TMEM52B: variants seen among roughly 807,000 people sequenced by gnomAD.
The protein encoded by TMEM52B is transmembrane protein 52B.
In TMEM52B, 11 loss-of-function variants were observed where a neutral mutation model predicts 16.1. The ratio of observed to expected loss-of-function variants is 0.68; its 90% CI spans 0.43 to 1.13. TMEM52B has a LOEUF of 1.13. TMEM52B is among the 50% of genes most tolerant of loss of function. The probability of loss-of-function intolerance (pLI) is 0.00; values close to 1 mark genes in which losing one functional copy is unlikely to be tolerated. For missense variants in TMEM52B, 243 were observed against 230.4 expected (o/e 1.05, Z -0.35); for synonymous variants, 101 against 93.8 (o/e 1.08, Z -0.45).
chr12:10,178,444 A>G (rs1948785186), upstream of TMEM52B, among the ~76,000 whole-genome samples: 1 of 149,578 alleles, frequency 6.7e-6, no homozygotes, highest in African/African-American at 2.5e-5. Flanking sequence ...AATGGCATGA[A>G]CCCAGGAGGC....
intron 1 of TMEM52B, among the ~76,000 whole-genome samples, chr12:10,180,770 C>T (rs1948812979): frequency 6.6e-6 from 1 of 152,178 alleles, no homozygotes; most frequent in Non-Finnish European, 1.5e-5. Context: ...ACAGAAGCAA[C>T]TTCTAGAATT....
At chr12:10,187,427 G>A (rs951966676) in intron 4 of TMEM52B, among the ~76,000 whole-genome samples, 5 of 150,588 alleles carry the variant, frequency 3.3e-5, no homozygotes, top group African/African-American at 1.2e-4. Context: ...TTTTTGACAC[G>A]GAGTCTCCCT....
At chr12:10,188,882 T>C (rs1948917820) in intron 4 of TMEM52B, among the ~76,000 whole-genome samples, 2 of 151,500 alleles carry the variant, frequency 1.3e-5, no homozygotes, top group African/African-American at 4.8e-5. Context: ...CTCGGCGTGG[T>C]GGCGGGCGCC....
At chr12:10,185,578 G>C (rs1363111673) in intron 3 of TMEM52B, among the ~76,000 whole-genome samples, 2 of 152,150 alleles carry the variant, frequency 1.3e-5, no homozygotes, top group Non-Finnish European at 2.9e-5. Flanking sequence ...GTCTGTTCTA[G>C]AAATATCTCA....
chr12:10,179,289 G>C lies in TMEM52B; in HGVS notation c.-286G>C. 2.3e-6 allele frequency: 1 copy of C among 426,538 alleles called. No individual in the cohort carries two copies. Among genetic ancestry groups the C allele is most frequent in the Non-Finnish European group, 4.3e-6 (1 of 231,138 alleles). The allele number at this position is 426,538 out of a possible 1,614,324, so 26.4% of individuals were successfully genotyped here. On this transcript the variant is annotated 5_prime_UTR_variant, in exon 1 of 5. Coordinates refer to ENST00000543484, the MANE Select transcript of TMEM52B (RefSeq NM_001384896.1). ...CTTCAAGATGTAGAAAGAATTAATA[G>C]TGTAACGGAAAGAAAGAAGGCAAAA...
At position 10,189,928 on chromosome 12, in the gene TMEM52B, A is replaced by G. The variant is rs1348300953; in HGVS notation, c.340A>G (p.Arg114Gly). 1.2e-6 allele frequency: 2 copies of G among 1,613,914 alleles called. No individual in the cohort carries two copies. The highest frequency in any genetic ancestry group is 2.7e-5 in the African/African-American group (2 of 74,910). Residue 114 changes from arginine to glycine, a missense_variant, in exon 5 of 5, where the codon AGG (arginine) becomes GGG (glycine). By Grantham distance (125) the Arg-to-Gly change is moderately radical. Transcript: ENST00000543484. ...LQSVFGPAAR[R>G]ILAVAHSHSS... The stretch of plus-strand genomic sequence containing the variant: ...GTCGGTGTTTGGCCCTGCAGCTCGG[A>G]GGATCCTGGCTGTGGCTCACTCCCA...
chr12:10,177,787 ATAATAATAATAATAATAATAATAATAAT>A (rs1447992959), upstream of TMEM52B, among the ~76,000 whole-genome samples: 10 of 93,590 alleles, frequency 1.1e-4, no homozygotes, highest in Admixed American at 1.2e-4. Context: ...AATAATAATA[ATAATAATAATAATAATAATAATAATAAT>A]TTTTTTATTA....
Position 10,179,541 on chromosome 12 carries a change from G to C in TMEM52B, c.-34G>C, listed in dbSNP as rs752037189. 6.2e-7 allele frequency: 1 copy of C among 1,613,038 alleles called. No individual in the cohort carries two copies. The highest frequency in any genetic ancestry group is 8.5e-7 in the Non-Finnish European group (1 of 1,178,996). On this transcript the variant is annotated 5_prime_UTR_variant, in exon 1 of 5. Transcript: ENST00000543484. ...ATTGAAAGGAGGCAACGGATGCCCAGTGCAAGATTCTGAAGAAGCAGGAAT... is the reference window on the plus strand; with the variant it reads ...ATTGAAAGGAGGCAACGGATGCCCACTGCAAGATTCTGAAGAAGCAGGAAT...
intron 3 of TMEM52B, among the ~76,000 whole-genome samples, chr12:10,185,694 G>A (rs1948871303): frequency 6.6e-6 from 1 of 151,734 alleles, no homozygotes; most frequent in African/African-American, 2.4e-5. Context: ...ATCACTTTGA[G>A]GCCAGGAGTT....
At position 10,186,417 on chromosome 12, in the gene TMEM52B, C is replaced by T. The variant is rs190464654; in HGVS notation, c.138-3C>T. ...CTCCCACTCGCCCCGTGGGCTTTTGCAGGTTGCTAGTGGTAATTGGCGCGC... is the reference window on the plus strand; with the variant it reads ...CTCCCACTCGCCCCGTGGGCTTTTGTAGGTTGCTAGTGGTAATTGGCGCGC... On this transcript the variant is annotated splice_polypyrimidine_tract_variant and splice_region_variant and intron_variant, in intron 3 of 4. Coordinates refer to ENST00000543484, the MANE Select transcript of TMEM52B (RefSeq NM_001384896.1). 2.3e-4 allele frequency: 365 copies of T among 1,597,178 alleles called. No individual in the cohort carries two copies. In the African/African-American group the frequency reaches 4.3e-3, roughly 19 times the overall value.
intron 1 of TMEM52B, 64 bp downstream of exon 1, chr12:10,179,692 G>T: frequency 6.3e-7 from 1 of 1,599,346 alleles, no homozygotes; most frequent in Non-Finnish European, 8.6e-7. Flanking sequence ...TCTCAGAAGA[G>T]TCTGAAAGGA....
chr12:10,171,911 T>C, intron 1 of TMEM52B: 1 of 921,238 alleles, frequency 1.1e-6, no homozygotes, highest in Non-Finnish European at 1.7e-6. Flanking sequence ...TACTTGGGTG[T>C]TTAGCTTTCT....
chr12:10,186,398 C>A (rs772491750), intron 3 of TMEM52B, 22 bp from the exon 4 acceptor site: 4 of 1,581,922 alleles, frequency 2.5e-6, no homozygotes, highest in Admixed American at 3.4e-5. Flanking sequence ...AGAGCTCCCA[C>A]TCGCCCCGTG....
chr12:10,182,460 A>G, intron 1 of TMEM52B, 90 bp from the exon 2 acceptor site: 6 of 1,490,894 alleles, frequency 4.0e-6, no homozygotes, highest in Non-Finnish European at 5.4e-6. Flanking sequence ...GCTTGATCTA[A>G]CACAGCACAA....
chr12:10,173,763 TA>T (rs5796383), intron 1 of TMEM52B, among the ~76,000 whole-genome samples: 39,643 of 130,246 alleles, frequency 0.3, 5,558 homozygotes, highest in East Asian at 0.55. Flanking sequence ...AGACTCCCTT[TA>T]AAAAAAAAAA....
upstream of TMEM52B, among the ~76,000 whole-genome samples, chr12:10,177,767 AAATAATAAT>A (rs199747831): frequency 0.094 from 11,184 of 118,380 alleles, 560 homozygotes; most frequent in African/African-American, 0.14. Flanking sequence ...ACTCTGTCTC[AAATAATAAT>A]AATAATAATA....
Position 10,190,296 on chromosome 12 carries a change from A to G in TMEM52B, c.*156A>G. Reference sequence around the variant, plus strand: ...TCTTACTCTTCGTTCACAGGCCTTTATATCTTCCGATACAGAATGCTCTAA... The same window carrying G: ...TCTTACTCTTCGTTCACAGGCCTTTGTATCTTCCGATACAGAATGCTCTAA... On this transcript the variant is annotated 3_prime_UTR_variant, in exon 5 of 5. Coordinates refer to ENST00000543484, the MANE Select transcript of TMEM52B (RefSeq NM_001384896.1). The G allele has an allele frequency of 2.1e-6, 2 of 946,142 alleles. No individual in the cohort carries two copies. Among genetic ancestry groups the G allele is most frequent in the Non-Finnish European group, 1.5e-6 (1 of 648,884 alleles). The allele number at this position is 946,142 out of a possible 1,614,324, so 58.6% of individuals were successfully genotyped here.
Position 10,190,006 on chromosome 12 carries a change from GA to G in TMEM52B, c.420del (p.Ala141LeufsTer4). ...SSLDTLPGYE[E>X]ALHMSRFTVA... is the part of the protein sequence containing the mutation. ...TTTGGACACCCTCCCAGGGTATGAAGAAGCTCTTCACATGAGTCGCTTCACA... is the reference window on the plus strand; with the variant it reads ...TTTGGACACCCTCCCAGGGTATGAAGAGCTCTTCACATGAGTCGCTTCACA... On this transcript the variant is annotated frameshift_variant, in exon 5 of 5. Transcript: ENST00000543484. LOFTEE classifies it low-confidence loss of function (END_TRUNC). 2 of 1,614,184 alleles carry G rather than the reference GA, an allele frequency of 1.2e-6. No homozygotes were observed. Among genetic ancestry groups the G allele is most frequent in the Non-Finnish European group, 1.7e-6 (2 of 1,180,036 alleles).
At chr12:10,178,549 A>G (rs1948786838), upstream of TMEM52B, among the ~76,000 whole-genome samples, 1 of 149,976 alleles carries the variant, frequency 6.7e-6, no homozygotes, top group African/African-American at 2.5e-5. Flanking sequence ...AAAGTATTCT[A>G]TGCTTTTGCA....
Sources: allele counts gnomAD v4.1 joint callset (sites outside exome capture counted in the v4.1 genomes callset), GRCh38; gene constraint gnomAD v4.1.1; transcripts MANE v1.5; gene names NCBI Gene and HGNC (gene_info 2026-07-23, HGNC 2026-07-21).